The following PLXNA4 variants were observed in gnomAD, a reference collection of about 807,000 sequenced individuals.
PLXNA4 encodes the protein plexin A4, also known as plexin-A4.
Under a neutral mutation model 191.8 loss-of-function variants are expected in PLXNA4, and 44 were observed. That is an observed-to-expected ratio of 0.23 (90% confidence interval 0.18 to 0.29). The LOEUF is 0.29. Among genes scored for constraint, PLXNA4 ranks in the 10% least tolerant of loss-of-function variants. The pLI, the probability that PLXNA4 is intolerant of heterozygous loss-of-function variation, is 1.00. For synonymous variants in PLXNA4, 1,082 were observed against 1,009.5 expected (o/e 1.07, Z -1.36); for missense variants, 1,800 against 2,488.8 (o/e 0.72, Z 5.89).
chr7:132,573,723 C>T (rs954846647), intron 1 of PLXNA4, among the ~76,000 whole-genome samples: 1 of 152,174 alleles, frequency 6.6e-6, no homozygotes, highest in African/African-American at 2.4e-5. Context: ...CAGTGGGCAT[C>T]CAGGAGGAAG....
chr7:132,641,811 CA>C (rs1563201870), intron 2 of PLXNA4, among the ~76,000 whole-genome samples: 1 of 152,082 alleles, frequency 6.6e-6, no homozygotes, highest in East Asian at 1.9e-4. Flanking sequence ...CACCTAACTC[CA>C]CTGGAGGGAC....
intron 3 of PLXNA4, among the ~76,000 whole-genome samples, chr7:132,358,702 A>C (rs1803810191): frequency 6.6e-6 from 1 of 152,260 alleles, no homozygotes; most frequent in African/African-American, 2.4e-5. Flanking sequence ...CAAGCTTTTT[A>C]AAACAACTTC....
At chr7:132,496,585 A>G (rs755365390) in intron 2 of PLXNA4, among the ~76,000 whole-genome samples, 6 of 152,094 alleles carry the variant, frequency 3.9e-5, no homozygotes, top group Non-Finnish European at 5.9e-5. Context: ...TATTTTTAGT[A>G]GAGACGGGGT....
intron 25 of PLXNA4, 65 bp from the exon 26 acceptor site, chr7:132,148,711 C>G (rs937848386): frequency 6.2e-7 from 1 of 1,607,046 alleles, no homozygotes; most frequent in Non-Finnish European, 8.5e-7. Flanking sequence ...AGCTGAGGAC[C>G]CTGTGTAGGT....
chr7:132,643,911 C>T (rs1803804587), intron 2 of PLXNA4, among the ~76,000 whole-genome samples: 1 of 151,980 alleles, frequency 6.6e-6, no homozygotes. Flanking sequence ...AAGATCGCAC[C>T]ACTACACTCC....
At chr7:132,351,129 G>A (rs1803467935) in intron 3 of PLXNA4, among the ~76,000 whole-genome samples, 1 of 152,204 alleles carries the variant, frequency 6.6e-6, no homozygotes, top group Admixed American at 6.5e-5. Flanking sequence ...AGGGCTGGGG[G>A]CCATGTGGAG....
chr7:132,239,083 G>A (rs374698840), intron 5 of PLXNA4, among the ~76,000 whole-genome samples: 13 of 152,336 alleles, frequency 8.5e-5, no homozygotes, highest in African/African-American at 3.1e-4. Context: ...GCTGAGACTG[G>A]AGCAGCTGGC....
rs563747056 is a variant in PLXNA4, at chr7:132,446,618, C to T, written c.1371+42674G>A. Reference sequence around the variant, plus strand: ...ACTTTATAAACCAGACACTAAGATGCATCTTTTAAACAAGAACATAGAGTA... The same window carrying T: ...ACTTTATAAACCAGACACTAAGATGTATCTTTTAAACAAGAACATAGAGTA... On this transcript the variant is annotated intron_variant, in intron 3 of 31. Coordinates refer to ENST00000321063, the MANE Select transcript of PLXNA4 (RefSeq NM_020911.2). Among the ~76,000 whole-genome samples the T allele has an allele frequency of 2.4e-4, 37 of 152,298 alleles. 1 individual carries two copies. Among genetic ancestry groups the T allele is most frequent in the Non-Finnish European group, 1.6e-4 (11 of 68,024 alleles).
chr7:132,151,358 G>GAGGAGGAGGAGAA (rs1795610430), intron 25 of PLXNA4, among the ~76,000 whole-genome samples: 1 of 112,006 alleles, frequency 8.9e-6, no homozygotes. Context: ...GAAGAAGAAG[G>GAGGAGGAGGAGAA]AGGAGGAGGA....
rs543422208 is a variant in PLXNA4 at position 132,137,571 on chromosome 7, C to T, written c.5438+3028G>A. 4.6e-5 allele frequency among the ~76,000 whole-genome samples: 7 copies of T among 152,346 alleles called. No homozygotes were observed. In the South Asian group the frequency reaches 1.2e-3, roughly 27 times the overall value. ...ATTGGAAACCAAGAGACTCTTCTCC[C>T]TTTTTCCAGATTCGGCCATAAGCAA... On this transcript the variant is annotated intron_variant, in intron 30 of 31. Coordinates refer to ENST00000321063, the MANE Select transcript of PLXNA4 (RefSeq NM_020911.2).
chr7:132,154,951 T>C (rs1042647388), intron 25 of PLXNA4, among the ~76,000 whole-genome samples: 1 of 152,260 alleles, frequency 6.6e-6, no homozygotes, highest in African/African-American at 2.4e-5. Flanking sequence ...CCATTATCTT[T>C]ATCTGTCCTT....
chr7:132,389,030 CT>C (rs573591965), intron 3 of PLXNA4, among the ~76,000 whole-genome samples: 110 of 152,274 alleles, frequency 7.2e-4, no homozygotes, highest in African/African-American at 2.6e-3. Context: ...TGATGATGAG[CT>C]TTTTTTCATA....
upstream of PLXNA4, chr7:132,576,615 G>A: frequency 1.0e-6 from 1 of 985,766 alleles, no homozygotes; most frequent in Non-Finnish European, 1.2e-6. This position sits in a 1 kb window ranked among gnomAD's most constrained non-coding sequence, Gnocchi z 5.8. Flanking sequence ...GAACGCGGAG[G>A]GCGCCGAATC....
chr7:132,461,063 C>G (rs1404006534), intron 3 of PLXNA4, among the ~76,000 whole-genome samples: 2 of 152,100 alleles, frequency 1.3e-5, no homozygotes, highest in African/African-American at 2.4e-5. Flanking sequence ...CAGTAAGATT[C>G]AAGAGGACTT....
intron 5 of PLXNA4, among the ~76,000 whole-genome samples, chr7:132,232,332 T>C (rs950040434): frequency 4.6e-5 from 7 of 152,178 alleles, no homozygotes; most frequent in African/African-American, 1.4e-4. Flanking sequence ...AAACTAGAGC[T>C]GAAAACGGAT....
chr7:132,205,208 T>G (rs2116874982), intron 10 of PLXNA4, among the ~76,000 whole-genome samples: 1 of 152,270 alleles, frequency 6.6e-6, no homozygotes, highest in South Asian at 2.1e-4. Flanking sequence ...TGGTCCTAAG[T>G]TGTCCTGAAA....
rs113082850 is a variant in PLXNA4, at chr7:132,343,004, G to C, written c.1372-44782C>G. 2.0e-5 allele frequency among the ~76,000 whole-genome samples: 3 copies of C among 151,762 alleles called. No individual in the cohort carries two copies. In the East Asian group the frequency reaches 5.8e-4, roughly 29 times the overall value. On this transcript the variant is annotated intron_variant, in intron 3 of 31. Transcript: ENST00000321063. ...AAGAAGATATTTACACAAGGGATGG[G>C]GGATACTGGCATCTGGCAGAAGTCC...
chr7:132,400,802 G>A (rs1793954019), intron 3 of PLXNA4, among the ~76,000 whole-genome samples: 1 of 152,196 alleles, frequency 6.6e-6, no homozygotes, highest in Non-Finnish European at 1.5e-5. Context: ...GGAGACTGCA[G>A]GCTCATAAAC....
chr7:132,332,857 C>T (rs1055987526), intron 3 of PLXNA4, among the ~76,000 whole-genome samples: 2 of 141,540 alleles, frequency 1.4e-5, no homozygotes, highest in African/African-American at 2.6e-5. Flanking sequence ...AAGCCCCTGT[C>T]TCAAAAAAAG....
Sources: gnomAD v4.1 joint callset for allele counts (sites outside exome capture counted in the v4.1 genomes callset) on GRCh38, gnomAD v4.1.1 for gene constraint, Gnocchi (gnomAD v3.1) non-coding constraint, MANE v1.5 for transcripts, NCBI Gene and HGNC (gene_info 2026-07-23, HGNC 2026-07-21) for gene names.